ZNRF3: variants seen among roughly 807,000 people sequenced by gnomAD.
ZNRF3 encodes the protein zinc and ring finger 3.
In ZNRF3, 23 loss-of-function variants were observed where a neutral mutation model predicts 72.5. The observed-to-expected ratio is 0.32, with a 90% CI of 0.23 to 0.45. The LOEUF (loss-of-function observed/expected upper bound fraction) is 0.45. Among genes scored for constraint, ZNRF3 ranks in the 20% least tolerant of loss-of-function variants. The probability of loss-of-function intolerance (pLI) is 1.00; values close to 1 mark genes in which losing one functional copy is unlikely to be tolerated. For missense variants in ZNRF3, 1,169 were observed against 1,272.1 expected, an observed-to-expected ratio of 0.92 and a Z score of 1.23; for synonymous variants, 610 against 545.3, an observed-to-expected ratio of 1.12 and a Z score of -1.65.
At chr22:28,954,061 C>T (rs544703806) in intron 1 of ZNRF3, among the ~76,000 whole-genome samples, 2 of 152,308 alleles carry the variant, frequency 1.3e-5, no homozygotes, top group Non-Finnish European at 2.9e-5. Context: ...TGGCACACGG[C>T]TCACTCTGTG....
intron 1 of ZNRF3, among the ~76,000 whole-genome samples, chr22:28,933,462 T>A (rs1316961130): frequency 3.3e-5 from 5 of 152,338 alleles, no homozygotes; most frequent in East Asian, 1.9e-4. Context: ...ATTAAGGAGT[T>A]AATGTTACCT....
chr22:28,994,055 A>G (rs1226723911), intron 2 of ZNRF3, among the ~76,000 whole-genome samples: 2 of 152,082 alleles, frequency 1.3e-5, no homozygotes, highest in Non-Finnish European at 2.9e-5. Flanking sequence ...AAAGGAGATA[A>G]TGTATATCAA....
intron 1 of ZNRF3, 67 bp from the exon 2 acceptor site, chr22:28,987,009 T>TA: frequency 6.5e-7 from 1 of 1,541,278 alleles, no homozygotes. Flanking sequence ...ATCTGAGAAA[T>TA]ACACAATATG....
chr22:28,903,249 C>CAA (rs975098897), intron 1 of ZNRF3, among the ~76,000 whole-genome samples: 3 of 152,206 alleles, frequency 2.0e-5, no homozygotes, highest in African/African-American at 7.2e-5. Context: ...CAGACACACA[C>CAA]ACGCACAGCT....
At chr22:28,945,149 CAAA>C (rs781088280) in intron 1 of ZNRF3, among the ~76,000 whole-genome samples, 8 of 86,752 alleles carry the variant, frequency 9.2e-5, no homozygotes, top group Admixed American at 1.3e-4. Flanking sequence ...GACCCTGTCT[CAAA>C]AAAAAAAAAA....
chr22:29,034,969 C>T (rs528822650), intron 2 of ZNRF3, among the ~76,000 whole-genome samples: 70 of 150,040 alleles, frequency 4.7e-4, no homozygotes, highest in African/African-American at 1.5e-3. Context: ...TGACTGTGAA[C>T]CATGCCCAGG....
At chr22:28,933,492 AC>A (rs2034750405) in intron 1 of ZNRF3, among the ~76,000 whole-genome samples, 1 of 152,134 alleles carries the variant, frequency 6.6e-6, no homozygotes, top group Non-Finnish European at 1.5e-5. Flanking sequence ...TTAAACATTA[AC>A]CAAAGGGCTT....
chr22:28,929,822 A>G (rs2034673170), intron 1 of ZNRF3, among the ~76,000 whole-genome samples: 1 of 152,222 alleles, frequency 6.6e-6, no homozygotes, highest in African/African-American at 2.4e-5. Context: ...GAATGATTTA[A>G]AAAGAATCAT....
chr22:28,908,556 A>T (rs187672136), intron 1 of ZNRF3, among the ~76,000 whole-genome samples: 1 of 152,180 alleles, frequency 6.6e-6, no homozygotes, highest in East Asian at 1.9e-4. Flanking sequence ...TTTTTAAATG[A>T]TCCTTGTGGA....
chr22:29,016,802 C>T (rs2036445597), intron 2 of ZNRF3, among the ~76,000 whole-genome samples: 1 of 152,176 alleles, frequency 6.6e-6, no homozygotes, highest in African/African-American at 2.4e-5. Flanking sequence ...GAGAAACTTC[C>T]TTCCTGTGTC....
At chr22:28,935,595 G>C (rs1041954344) in intron 1 of ZNRF3, among the ~76,000 whole-genome samples, 1 of 152,150 alleles carries the variant, frequency 6.6e-6, no homozygotes, top group African/African-American at 2.4e-5. Context: ...TAATGTGTGG[G>C]TAGGGTGCCC....
At chr22:28,926,329 G>A (rs2034599889) in intron 1 of ZNRF3, among the ~76,000 whole-genome samples, 1 of 152,122 alleles carries the variant, frequency 6.6e-6, no homozygotes, top group South Asian at 2.1e-4. Context: ...TCTCTAAACA[G>A]TATTTTGTTT....
intron 1 of ZNRF3, among the ~76,000 whole-genome samples, chr22:28,904,262 G>A (rs1056763692): frequency 2.0e-5 from 3 of 152,122 alleles, no homozygotes; most frequent in Admixed American, 6.5e-5. Context: ...TGCAGGCTTC[G>A]AGACTGATTT....
chr22:28,985,843 A>G (rs2123827092), intron 1 of ZNRF3, among the ~76,000 whole-genome samples: 1 of 152,340 alleles, frequency 6.6e-6, no homozygotes, highest in East Asian at 1.9e-4. Context: ...ATTCTCTTAC[A>G]GTTCTGGAGG....
At chr22:28,973,728 T>A (rs747087956) in intron 1 of ZNRF3, among the ~76,000 whole-genome samples, 39 of 152,182 alleles carry the variant, frequency 2.6e-4, no homozygotes, top group Middle Eastern at 3.2e-3. Context: ...TCTTTCATTT[T>A]TGTTTCTATG....
intron 1 of ZNRF3, among the ~76,000 whole-genome samples, chr22:28,887,667 G>C (rs1184029510): frequency 6.6e-6 from 1 of 152,136 alleles, no homozygotes; most frequent in East Asian, 1.9e-4. Flanking sequence ...CTGTTTGCTT[G>C]TAAGAGTGTC....
At chr22:29,013,963 C>T (rs2036388685) in intron 2 of ZNRF3, among the ~76,000 whole-genome samples, 1 of 152,176 alleles carries the variant, frequency 6.6e-6, no homozygotes, top group Admixed American at 6.5e-5. Flanking sequence ...TTGGTGGTAG[C>T]CTTTCCCAGG....
chr22:28,914,351 T>A (rs1336367721), intron 1 of ZNRF3, among the ~76,000 whole-genome samples: 2 of 152,180 alleles, frequency 1.3e-5, no homozygotes, highest in Admixed American at 1.3e-4. Flanking sequence ...TAGGCTCTGC[T>A]GACTCTAGCT....
In ZNRF3 at chr22:28,971,492, G is replaced by C. The variant is rs118070565; in HGVS notation, c.301-15584G>C. On this transcript the variant is annotated intron_variant, in intron 1 of 8. Coordinates refer to ENST00000544604, the MANE Select transcript of ZNRF3 (RefSeq NM_001206998.2). ...CTTTTAAGACAGCTAGCATGAAAGT[G>C]GTTCTTTTCCATGCCTCGTACGCCC... 6.7e-3 allele frequency among the ~76,000 whole-genome samples: 1,027 copies of C among 152,294 alleles called. 14 individuals carry two copies. The highest frequency in any genetic ancestry group is 0.053 in the East Asian group (272 of 5,178).
Sources: allele counts gnomAD v4.1 joint callset (sites outside exome capture counted in the v4.1 genomes callset), GRCh38; gene constraint gnomAD v4.1.1; transcripts MANE v1.5; gene names NCBI Gene and HGNC (gene_info 2026-07-23, HGNC 2026-07-21).